The following CTNNA2 variants were observed in gnomAD, a reference collection of about 807,000 sequenced individuals.
CTNNA2 encodes the protein catenin alpha 2, also known as catenin alpha-2.
A neutral mutation model predicts 101.0 loss-of-function variants in CTNNA2; 42 were observed. The observed-to-expected ratio is 0.42, with a 90% CI of 0.32 to 0.54. The LOEUF is 0.54. Among genes scored for constraint, CTNNA2 ranks in the 20% least tolerant of loss-of-function variants. CTNNA2 has a pLI of 0.14. For synonymous variants in CTNNA2, 450 were observed against 456.4 expected, an observed-to-expected ratio of 0.99 and a Z score of 0.18; for missense variants, 871 against 1,223.1, an observed-to-expected ratio of 0.71 and a Z score of 4.29.
At chr2:79,576,732 A>G (rs1675824512) in intron 1 of CTNNA2, among the ~76,000 whole-genome samples, 1 of 152,172 alleles carries the variant, frequency 6.6e-6, no homozygotes, top group African/African-American at 2.4e-5. Context: ...TGAAATACTT[A>G]GAACAATTGT....
At chr2:80,213,178 T>G (rs959323905) in intron 7 of CTNNA2, among the ~76,000 whole-genome samples, 31 of 152,180 alleles carry the variant, frequency 2.0e-4, no homozygotes, top group African/African-American at 7.5e-4. Context: ...CTGGATTCAT[T>G]GATTTTTTGA....
intron 2 of CTNNA2, among the ~76,000 whole-genome samples, chr2:79,232,222 G>C (rs1301438430): frequency 6.6e-6 from 1 of 151,976 alleles, no homozygotes; most frequent in Non-Finnish European, 1.5e-5. Flanking sequence ...TTATTTTGAG[G>C]TATGTTTCTT....
At chr2:79,695,065 C>G (rs1684571416) in intron 2 of CTNNA2, among the ~76,000 whole-genome samples, 1 of 147,678 alleles carries the variant, frequency 6.8e-6, no homozygotes, top group African/African-American at 2.5e-5. Flanking sequence ...GAAATCTTCT[C>G]TTTCACATTA....
chr2:79,373,555 G>A (rs1677920327), intron 3 of CTNNA2, among the ~76,000 whole-genome samples: 1 of 152,132 alleles, frequency 6.6e-6, no homozygotes. Context: ...GCAAAGAACT[G>A]CAGAAGGGAC....
Position 79,263,962 on chromosome 2 carries a change from G to T in CTNNA2, c.-405-48747G>T, listed in dbSNP as rs1396978942. Among the ~76,000 whole-genome samples, 4 of 152,154 alleles carry T rather than the reference G, an allele frequency of 2.6e-5. No individual in the cohort carries two copies. In the East Asian group the frequency reaches 5.8e-4, roughly 22 times the overall value. ...CTTTTCAAAATCAGAACATCAAAAT[G>T]CTCAGATTGGATAAAAACAAGAGTC... is the stretch of plus-strand genomic sequence containing the variant. On this transcript the variant is annotated intron_variant, in intron 2 of 21. Coordinates refer to the CTNNA2 transcript ENST00000466387.
chr2:80,093,767 AT>A (rs1699951094), intron 7 of CTNNA2, among the ~76,000 whole-genome samples: 2 of 152,022 alleles, frequency 1.3e-5, no homozygotes, highest in African/African-American at 4.8e-5. Context: ...GATGATGAGC[AT>A]TTTTTCATGT....
At chr2:80,476,054 A>G (rs1470509490) in intron 9 of CTNNA2, among the ~76,000 whole-genome samples, 5 of 152,116 alleles carry the variant, frequency 3.3e-5, no homozygotes, top group Non-Finnish European at 5.9e-5. Flanking sequence ...GGATATGTCA[A>G]TTGTCACTTA....
At chr2:80,096,198 G>A (rs1337333764) in intron 7 of CTNNA2, among the ~76,000 whole-genome samples, 4 of 152,008 alleles carry the variant, frequency 2.6e-5, no homozygotes, top group African/African-American at 9.7e-5. Context: ...ATTCTGGTAT[G>A]TTGTGTCTTT....
chr2:79,318,366 G>A (rs1558623433), intron 3 of CTNNA2, among the ~76,000 whole-genome samples: 1 of 152,008 alleles, frequency 6.6e-6, no homozygotes, highest in African/African-American at 2.4e-5. Context: ...GAAAAAAGAA[G>A]AAAAAAATAC....
chr2:79,984,336 A>G (rs1482548808), intron 7 of CTNNA2, among the ~76,000 whole-genome samples: 1 of 152,252 alleles, frequency 6.6e-6, no homozygotes, highest in African/African-American at 2.4e-5. Context: ...GAAGAGAGAA[A>G]AGAGTTAGTT....
At chr2:80,113,526 T>A (rs1396776779) in intron 7 of CTNNA2, among the ~76,000 whole-genome samples, 3 of 152,210 alleles carry the variant, frequency 2.0e-5, no homozygotes, top group Non-Finnish European at 4.4e-5. Flanking sequence ...GTGGGCCAAA[T>A]CTGGCCCACC....
chr2:79,555,437 A>G (rs775494150), intron 1 of CTNNA2, among the ~76,000 whole-genome samples: 15 of 152,146 alleles, frequency 9.9e-5, no homozygotes, highest in Admixed American at 6.6e-4. Flanking sequence ...GTAAGTTTCA[A>G]TAGTTAATAT....
rs768616028 is a variant in CTNNA2, at chr2:80,419,642, G to C, written c.1290+41G>C. On this transcript the variant is annotated intron_variant, in intron 9 of 18. Coordinates refer to ENST00000402739, the MANE Select transcript of CTNNA2 (RefSeq NM_001282597.3). Reference sequence around the variant, plus strand: ...CCTGAAGACTAGAGTTTACCGATGGGTTCAATCTCTGCATATGGCTCTTAG... The same window carrying C: ...CCTGAAGACTAGAGTTTACCGATGGCTTCAATCTCTGCATATGGCTCTTAG... 1.4e-5 allele frequency: 23 copies of C among 1,598,812 alleles called. No homozygotes were observed. The East Asian group carries it at 5.1e-4, about 36-fold the overall frequency.
intron 4 of CTNNA2, among the ~76,000 whole-genome samples, chr2:79,421,504 A>G (rs1210655141): frequency 6.6e-6 from 1 of 152,160 alleles, no homozygotes; most frequent in Non-Finnish European, 1.5e-5. Context: ...AAGTTAAACC[A>G]TGAGTTTTTG....
At chr2:80,029,177 G>A (rs986294108) in intron 7 of CTNNA2, among the ~76,000 whole-genome samples, 1 of 152,118 alleles carries the variant, frequency 6.6e-6, no homozygotes, top group South Asian at 2.1e-4. Context: ...TACTACTACT[G>A]CATTTGAGCA....
chr2:79,220,072 A>G (rs1674321781), intron 2 of CTNNA2, among the ~76,000 whole-genome samples: 1 of 152,084 alleles, frequency 6.6e-6, no homozygotes, highest in Admixed American at 6.6e-5. Flanking sequence ...AAATTCTAGT[A>G]TATTTTGCAC....
At chr2:79,434,221 C>G (rs998046475) in intron 4 of CTNNA2, among the ~76,000 whole-genome samples, 4 of 148,592 alleles carry the variant, frequency 2.7e-5, no homozygotes, top group Admixed American at 2.0e-4. Flanking sequence ...TCACCTGAGC[C>G]TAGTAAGTCA....
intron 8 of CTNNA2, among the ~76,000 whole-genome samples, chr2:80,401,932 A>G (rs1489915552): frequency 2.6e-5 from 4 of 152,198 alleles, no homozygotes; most frequent in Non-Finnish European, 5.9e-5. Flanking sequence ...TTCAATTCTA[A>G]CACTATCTAC....
chr2:80,603,201 T>G (rs1697708036), intron 15 of CTNNA2, among the ~76,000 whole-genome samples: 1 of 152,132 alleles, frequency 6.6e-6, no homozygotes, highest in Non-Finnish European at 1.5e-5. Flanking sequence ...CATAATTTAT[T>G]CTTTACCTCT....
Sources: gnomAD v4.1 joint callset for allele counts (sites outside exome capture counted in the v4.1 genomes callset) on GRCh38, gnomAD v4.1.1 for gene constraint, MANE v1.5 for transcripts, NCBI Gene and HGNC (gene_info 2026-07-23, HGNC 2026-07-21) for gene names.